The following EEA1 variants were observed in gnomAD, a reference collection of about 807,000 sequenced individuals.
EEA1 encodes early endosome antigen 1.
A neutral mutation model predicts 209.2 loss-of-function variants in EEA1; 111 were observed. The ratio of observed to expected loss-of-function variants is 0.53; its 90% CI spans 0.45 to 0.62. The LOEUF is 0.62. EEA1 is among the 20% of genes least tolerant of loss of function. The pLI is 0.00. For synonymous variants in EEA1, 536 were observed against 540.6 expected (o/e 0.99, Z 0.12); for missense variants, 1,343 against 1,530.8 (o/e 0.88, Z 2.05).
intron 16 of EEA1, 60 bp downstream of exon 16, chr12:92,812,920 G>A (rs947550291): frequency 4.1e-5 from 49 of 1,185,464 alleles, no homozygotes; most frequent in Non-Finnish European, 5.2e-5. Flanking sequence ...TTACATGTTT[G>A]CAATTTATTT....
At chr12:92,799,583 G>A (rs769462952) in intron 20 of EEA1, among the ~76,000 whole-genome samples, 135 of 151,852 alleles carry the variant, frequency 8.9e-4, no homozygotes, top group Non-Finnish European at 1.4e-3. Flanking sequence ...TCAGGAGATC[G>A]AGACCATCCT....
intron 1 of EEA1, among the ~76,000 whole-genome samples, chr12:92,927,659 CAT>C (rs1037359015): frequency 2.3e-4 from 35 of 152,158 alleles, no homozygotes; most frequent in Non-Finnish European, 2.9e-5. Context: ...CAATCTGAAA[CAT>C]GAGGTAATCA....
rs1453331419 is a variant in EEA1, at chr12:92,929,036, C to G, written c.24+7G>C. 2 of 1,596,200 alleles carry G rather than the reference C, an allele frequency of 1.3e-6. No individual in the cohort carries two copies. Among genetic ancestry groups the G allele is most frequent in the Admixed American group, 1.7e-5 (1 of 57,820 alleles). On this transcript the variant is annotated splice_region_variant and intron_variant, in intron 1 of 28. Coordinates refer to ENST00000322349, the MANE Select transcript of EEA1 (RefSeq NM_003566.4). Reference sequence around the variant, plus strand: ...GTGCTGCCAGAAAGACGGTTTCACTCTCTTACCCTCTGTAAAATCCTCCTT... The same window carrying G: ...GTGCTGCCAGAAAGACGGTTTCACTGTCTTACCCTCTGTAAAATCCTCCTT...
At position 92,915,537 on chromosome 12, in the gene EEA1, T is replaced by G. The variant is rs142224183; in HGVS notation, c.24+13506A>C. On this transcript the variant is annotated intron_variant, in intron 1 of 28. Transcript: ENST00000322349. ...GTACTCAGAAATCATTTGGTCCAAT[T>G]GCAGTGACTTCATACATGAAGAAAC... is the stretch of plus-strand genomic sequence containing the variant. 6.5e-4 allele frequency among the ~76,000 whole-genome samples: 99 copies of G among 152,284 alleles called. 1 individual carries two copies. In the East Asian group the frequency reaches 0.018, roughly 28 times the overall value.
intron 2 of EEA1, 108 bp downstream of exon 2, chr12:92,891,521 A>G (rs1879652520): frequency 1.2e-6 from 1 of 842,272 alleles, no homozygotes; most frequent in Admixed American, 2.6e-5. Flanking sequence ...AACTTTTACA[A>G]GAAAAACTTG....
At chr12:92,846,701 A>C (rs1416370910) in intron 9 of EEA1, among the ~76,000 whole-genome samples, 1 of 152,216 alleles carries the variant, frequency 6.6e-6, no homozygotes, top group African/African-American at 2.4e-5. Flanking sequence ...CAAATGCTTT[A>C]GAATGAGATA....
intron 1 of EEA1, among the ~76,000 whole-genome samples, chr12:92,900,001 A>G (rs898266164): frequency 1.3e-5 from 2 of 152,122 alleles, no homozygotes; most frequent in Admixed American, 6.6e-5. Context: ...TTTGGTGATG[A>G]ACGTTCAAGT....
chr12:92,798,468 T>C (rs1176696993), intron 21 of EEA1, among the ~76,000 whole-genome samples: 1 of 151,918 alleles, frequency 6.6e-6, no homozygotes, highest in Non-Finnish European at 1.5e-5. Context: ...ATTACAGGAA[T>C]GCACCACCAC....
At chr12:92,900,946 G>A (rs567599001) in intron 1 of EEA1, among the ~76,000 whole-genome samples, 2 of 152,120 alleles carry the variant, frequency 1.3e-5, no homozygotes, top group Non-Finnish European at 2.9e-5. Flanking sequence ...TGGGATTACA[G>A]GCGCGAGCCA....
chr12:92,872,473 G>A (rs550448746), intron 2 of EEA1, among the ~76,000 whole-genome samples: 16 of 152,248 alleles, frequency 1.1e-4, no homozygotes, highest in African/African-American at 3.9e-4. Context: ...ATTCCACTAG[G>A]TTGAGATCCC....
intron 21 of EEA1, among the ~76,000 whole-genome samples, chr12:92,794,666 G>A (rs534990300): frequency 2.7e-5 from 4 of 150,872 alleles, no homozygotes; most frequent in Admixed American, 2.0e-4. Flanking sequence ...CCACTCATAG[G>A]TGGAAAGTGA....
chr12:92,852,781 C>T (rs1877686666), intron 7 of EEA1, 131 bp downstream of exon 7: 1 of 561,188 alleles, frequency 1.8e-6, no homozygotes, highest in Non-Finnish European at 3.0e-6. Context: ...TCATTAAATT[C>T]CATTAATCAC....
chr12:92,903,776 C>T (rs1592769356), intron 1 of EEA1, among the ~76,000 whole-genome samples: 1 of 151,996 alleles, frequency 6.6e-6, no homozygotes. Context: ...AATACATACA[C>T]ATAAAGAGAT....
intron 3 of EEA1, chr12:92,859,208 C>G: frequency 6.2e-7 from 1 of 1,613,126 alleles, no homozygotes; most frequent in South Asian, 1.1e-5. Flanking sequence ...TATCAGAGGA[C>G]TGCAGCCTAT....
chr12:92,915,345 G>A lies in EEA1; in HGVS notation c.24+13698C>T, dbSNP rs1880726322. The stretch of plus-strand genomic sequence containing the variant: ...TAGCCAGGTGTGCTGGTGTGGGCCT[G>A]TAATCCCAGCTACTAGGGAGGCTAA... On this transcript the variant is annotated intron_variant, in intron 1 of 28. Transcript: ENST00000322349. Among the ~76,000 whole-genome samples, 3 of 152,262 alleles carry A rather than the reference G, an allele frequency of 2.0e-5. No homozygotes were observed. The South Asian group carries it at 6.2e-4, about 32-fold the overall frequency.
chr12:92,800,089 G>A (rs1392177416), intron 20 of EEA1, among the ~76,000 whole-genome samples: 2 of 152,020 alleles, frequency 1.3e-5, no homozygotes, highest in South Asian at 2.1e-4. Context: ...AGGCGTGGTG[G>A]CAGGCACCTG....
At chr12:92,801,318 T>C (rs1434045882) in intron 20 of EEA1, among the ~76,000 whole-genome samples, 2 of 152,020 alleles carry the variant, frequency 1.3e-5, no homozygotes, top group Non-Finnish European at 2.9e-5. Context: ...TTATTAATAA[T>C]ATTTCTTTAT....
At chr12:92,864,750 ATT>A in intron 3 of EEA1, 108 bp downstream of exon 3, 1 of 1,083,184 alleles carries the variant, frequency 9.2e-7, no homozygotes. Context: ...ACAGATTTAA[ATT>A]AAATAATACA....
Position 92,798,877 on chromosome 12 carries a change from C to T in EEA1, c.2967+15G>A, listed in dbSNP as rs746088858. 2 of 1,523,610 alleles carry T rather than the reference C, an allele frequency of 1.3e-6. No individual in the cohort carries two copies. The highest frequency in any genetic ancestry group is 1.3e-5 in the South Asian group (1 of 74,596). The allele number at this position is 1,523,610 out of a possible 1,614,324, so 94.4% of individuals were successfully genotyped here. On this transcript the variant is annotated intron_variant, in intron 21 of 28. Transcript: ENST00000322349. ...AGTTTTTCTTCCTATAAAAAGTAAA[C>T]AAATATATCACTACCTTCTGTAAAA...
Sources: gnomAD v4.1 joint callset for allele counts (sites outside exome capture counted in the v4.1 genomes callset) on GRCh38, gnomAD v4.1.1 for gene constraint, MANE v1.5 for transcripts, NCBI Gene and HGNC (gene_info 2026-07-23, HGNC 2026-07-21) for gene names.